Variants in KDM4B observed in about 807,000 individuals in gnomAD.
KDM4B encodes the protein lysine-specific demethylase 4B.
Under a neutral mutation model 125.2 loss-of-function variants are expected in KDM4B, and 32 were observed. That is an observed-to-expected ratio of 0.26 (90% CI 0.19 to 0.34). The LOEUF (loss-of-function observed/expected upper bound fraction) is 0.34. Among genes scored for constraint, KDM4B ranks in the 10% least tolerant of loss-of-function variants. KDM4B has a pLI of 1.00. For synonymous variants in KDM4B, 721 were observed against 677.9 expected, an observed-to-expected ratio of 1.06 and a Z score of -0.99; for missense variants, 1,190 against 1,577.7, an observed-to-expected ratio of 0.75 and a Z score of 4.16.
chr19:5,138,178 T>C, intron 18 of KDM4B, 108 bp downstream of exon 18: 1 of 794,822 alleles, frequency 1.3e-6, no homozygotes, highest in Non-Finnish European at 2.0e-6. Context: ...AAGCTCTGCG[T>C]CTCCATGGGG....
chr19:4,976,334 C>T (rs923973148), intron 1 of KDM4B, among the ~76,000 whole-genome samples: 4 of 151,780 alleles, frequency 2.6e-5, no homozygotes, highest in Non-Finnish European at 2.9e-5. Context: ...CTGACATCCA[C>T]CCAGACAGCC....
intron 6 of KDM4B, among the ~76,000 whole-genome samples, chr19:5,062,542 C>G (rs1482080988): frequency 6.6e-6 from 1 of 152,238 alleles, no homozygotes; most frequent in East Asian, 1.9e-4. Context: ...TGTGTGTGGC[C>G]TTGTTTGTGG....
intron 1 of KDM4B, among the ~76,000 whole-genome samples, chr19:4,987,113 T>C (rs867969627): frequency 9.2e-5 from 14 of 151,970 alleles, no homozygotes; most frequent in Non-Finnish European, 7.4e-5. Context: ...CGCCCGCCAC[T>C]ACGCCTGGCT....
At chr19:5,108,501 C>T (rs1262235598) in intron 9 of KDM4B, among the ~76,000 whole-genome samples, 1 of 152,192 alleles carries the variant, frequency 6.6e-6, no homozygotes, top group Non-Finnish European at 1.5e-5. Context: ...GAGGCACGAG[C>T]TGCAGGAAAT....
chr19:5,133,815 G>C, intron 13 of KDM4B, 68 bp from the exon 14 acceptor site: 1 of 1,543,454 alleles, frequency 6.5e-7, no homozygotes, highest in Non-Finnish European at 8.9e-7. Flanking sequence ...TGGGCAGTTG[G>C]GGTGATTCCT....
chr19:5,099,486 C>T (rs1487065086), intron 9 of KDM4B, among the ~76,000 whole-genome samples: 1 of 152,226 alleles, frequency 6.6e-6, no homozygotes. Flanking sequence ...TGCTCTTATA[C>T]AAGGAGCAGT....
chr19:5,090,650 C>A (rs1304957039), intron 9 of KDM4B, among the ~76,000 whole-genome samples: 1 of 124,740 alleles, frequency 8.0e-6, no homozygotes, highest in East Asian at 2.3e-4. Context: ...CCCCTCCGGC[C>A]CCCCCTTCCC....
intron 2 of KDM4B, among the ~76,000 whole-genome samples, chr19:5,025,726 T>C (rs2036258027): frequency 1.3e-5 from 2 of 152,220 alleles, no homozygotes; most frequent in Admixed American, 6.5e-5. Flanking sequence ...TCCCTTTGCC[T>C]AGACTTTCCT....
At chr19:5,074,202 G>C (rs1368842732) in intron 7 of KDM4B, 1 of 152,378 alleles carries the variant, frequency 6.6e-6, no homozygotes, top group African/African-American at 2.4e-5. Context: ...TGTGTCAGAT[G>C]CCTGCAGCTG....
intron 7 of KDM4B, 65 bp downstream of exon 7, chr19:5,071,124 A>G: frequency 1.3e-6 from 2 of 1,503,316 alleles, no homozygotes; most frequent in Middle Eastern, 1.9e-4. Context: ...TGGGTGGGGA[A>G]GGGCAGCTGG....
At position 5,007,546 on chromosome 19, in the gene KDM4B, T is replaced by C. The variant is rs868831534; in HGVS notation, c.-108-8711T>C. Among the ~76,000 whole-genome samples, 753 of 142,960 alleles carry C rather than the reference T, an allele frequency of 5.3e-3. 4 individuals are homozygous for C. The highest frequency in any genetic ancestry group is 0.018 in the African/African-American group (684 of 37,484). The allele number at this position is 142,960 out of a possible 152,430, so 93.8% of individuals were successfully genotyped here. A position where few individuals can be genotyped will look rare whatever the true frequency, so the allele number is the denominator to read the frequency against. On this transcript the variant is annotated intron_variant, in intron 1 of 22. Coordinates refer to ENST00000159111, the MANE Select transcript of KDM4B (RefSeq NM_015015.3). ...GTCTTTTCACTTTCTCTCTCTCTTT[T>C]TTTTTTTTTTTTTTTTTGAGACAGA...
chr19:5,071,105 AG>A (rs1568274999), intron 7 of KDM4B, 46 bp downstream of exon 7: 1 of 1,588,468 alleles, frequency 6.3e-7, no homozygotes. Context: ...ACCAGGTGGG[AG>A]GGGCCTGTGG....
At position 5,149,269 on chromosome 19, in the gene KDM4B, T is replaced by C. The variant is rs138044697; in HGVS notation, c.3022-1089T>C. The stretch of plus-strand genomic sequence containing the variant: ...CCGCGATGGTCTTACTGTGTGACTT[T>C]TATACACTTCCGTCATGGTCTTAGT... On this transcript the variant is annotated intron_variant, in intron 21 of 22. Transcript: ENST00000159111. Among the ~76,000 whole-genome samples, 154 of 152,368 alleles carry C rather than the reference T, an allele frequency of 1.0e-3. 1 individual carries two copies. Among genetic ancestry groups the C allele is most frequent in the Admixed American group, 2.5e-3 (39 of 15,310 alleles).
Position 5,081,685 on chromosome 19 carries a change from C to T in KDM4B, c.781-682C>T, listed in dbSNP as rs754707233. On this transcript the variant is annotated intron_variant, in intron 8 of 22. Coordinates refer to ENST00000159111, the MANE Select transcript of KDM4B (RefSeq NM_015015.3). This position sits in a 1 kb window ranked among gnomAD's most constrained non-coding sequence, Gnocchi z 4.2. ...GATCTGTGGTGTCAGGTCATGCCCC[C>T]GGTGTGCAGATATTTCTGGATCTCC... is the stretch of plus-strand genomic sequence containing the variant. Among the ~76,000 whole-genome samples, 4 of 152,188 alleles carry T rather than the reference C, an allele frequency of 2.6e-5. No homozygotes were observed. The highest frequency in any genetic ancestry group is 2.1e-4 in the South Asian group (1 of 4,826).
At chr19:5,044,995 C>T (rs1366303815) in intron 5 of KDM4B, among the ~76,000 whole-genome samples, 1 of 152,196 alleles carries the variant, frequency 6.6e-6, no homozygotes, top group Non-Finnish European at 1.5e-5. Flanking sequence ...TGCTCATTCA[C>T]CTATTAAAGG....
intron 1 of KDM4B, among the ~76,000 whole-genome samples, chr19:4,999,012 T>C (rs568490581): frequency 1.3e-5 from 2 of 152,302 alleles, no homozygotes; most frequent in African/African-American, 2.4e-5. Context: ...CACCCTAACA[T>C]TACTATTGTA....
intron 9 of KDM4B, among the ~76,000 whole-genome samples, chr19:5,103,663 C>G (rs1411294736): frequency 6.6e-6 from 1 of 152,248 alleles, no homozygotes; most frequent in Non-Finnish European, 1.5e-5. Context: ...CTGGTCGAGC[C>G]TCCTGCTAGA....
intron 6 of KDM4B, among the ~76,000 whole-genome samples, chr19:5,067,845 C>T (rs537665306): frequency 6.6e-5 from 10 of 152,250 alleles, no homozygotes; most frequent in South Asian, 2.1e-4. Flanking sequence ...ACAGGGCTGT[C>T]GTGTCTAGAA....
chr19:5,067,176 C>G (rs933133658), intron 6 of KDM4B, among the ~76,000 whole-genome samples: 1 of 152,184 alleles, frequency 6.6e-6, no homozygotes, highest in Non-Finnish European at 1.5e-5. Flanking sequence ...GCACCTGCTC[C>G]GTGCTCGGAG....
Sources: allele counts gnomAD v4.1 joint callset (sites outside exome capture counted in the v4.1 genomes callset), GRCh38; gene constraint gnomAD v4.1.1; non-coding constraint Gnocchi (gnomAD v3.1); transcripts MANE v1.5; gene names NCBI Gene and HGNC (gene_info 2026-07-23, HGNC 2026-07-21).